The following ATP7B variants were observed in gnomAD, a reference collection of about 807,000 sequenced individuals.
ATP7B encodes the protein ATPase copper transporting beta, also known as copper-transporting ATPase 2.
Under a neutral mutation model 118.9 loss-of-function variants are expected in ATP7B, and 113 were observed. The ratio of observed to expected loss-of-function variants is 0.95; its 90% CI spans 0.82 to 1.11. The LOEUF (loss-of-function observed/expected upper bound fraction) is 1.11. Ranked by LOEUF, ATP7B falls within the 50% of genes most tolerant of loss-of-function variation. The probability of loss-of-function intolerance (pLI) is 0.00; values close to 1 mark genes in which losing one functional copy is unlikely to be tolerated. For synonymous variants in ATP7B, 777 were observed against 727.4 expected (o/e 1.07, Z -1.10); for missense variants, 1,867 against 1,871.4 (o/e 1.00, Z 0.04).
rs777427676 is a variant in ATP7B at position 51,958,426 on chromosome 13, A to T, written c.2240T>A (p.Ile747Asn). Residue 747 changes from isoleucine to asparagine, a missense_variant, in exon 8 of 21, where the codon ATC becomes AAC. Physicochemically the swap from Ile to Asn is moderately radical, Grantham distance 149. Coordinates refer to ENST00000242839, the MANE Select transcript of ATP7B (RefSeq NM_000053.4). ...CTTCTCAGCCACAGCAACCACCAGGATGACCAGAGAATAAACATAAGCAAT... is the reference window on the plus strand; with the variant it reads ...CTTCTCAGCCACAGCAACCACCAGGTTGACCAGAGAATAAACATAAGCAAT... ...TSIAYVYSLV[I>N]LVVAVAEKAE... 1.2e-6 allele frequency: 2 copies of T among 1,614,200 alleles called. No individual in the cohort carries two copies. Among genetic ancestry groups the T allele is most frequent in the South Asian group, 2.2e-5 (2 of 91,084 alleles).
chr13:51,995,978 G>A (rs1189794452), intron 1 of ATP7B, among the ~76,000 whole-genome samples: 1 of 152,186 alleles, frequency 6.6e-6, no homozygotes, highest in Non-Finnish European at 1.5e-5. Context: ...TAGAAACCCA[G>A]TCTAGAGGCA....
Position 51,934,715 on chromosome 13 carries a change from G to T in ATP7B, c.*41C>A, listed in dbSNP as rs1308950030. The T allele has an allele frequency of 1.9e-6, 3 of 1,609,470 alleles. No individual in the cohort carries two copies. The East Asian group carries it at 6.7e-5, about 36-fold the overall frequency. ...GGCTGTCCTGCTCAGCTTGTGGTGA[G>T]TGGAGGCAAGTCCCTGCCCCGGCCC... On this transcript the variant is annotated 3_prime_UTR_variant, in exon 21 of 21. Transcript: ENST00000242839.
intron 1 of ATP7B, among the ~76,000 whole-genome samples, chr13:51,983,701 C>T (rs1334579520): frequency 2.0e-5 from 3 of 152,150 alleles, no homozygotes; most frequent in Non-Finnish European, 2.9e-5. Context: ...AGGGACAATG[C>T]TTCCAGGAAG....
upstream of ATP7B, chr13:52,011,455 T>TGGGCG (rs1555304642): frequency 2.5e-6 from 3 of 1,222,778 alleles, no homozygotes; most frequent in African/African-American, 4.4e-5. Flanking sequence ...TGTGAGGGCA[T>TGGGCG]CGGCGCGGCT....
chr13:51,960,013 T>A, intron 7 of ATP7B, 135 bp downstream of exon 7: 1 of 1,265,676 alleles, frequency 7.9e-7, no homozygotes, highest in Non-Finnish European at 1.1e-6. Context: ...AGCAACTGCC[T>A]GGGTGGGGCA....
chr13:51,937,988 G>C (rs1489832773), intron 17 of ATP7B, among the ~76,000 whole-genome samples: 1 of 152,058 alleles, frequency 6.6e-6, no homozygotes, highest in Non-Finnish European at 1.5e-5. Flanking sequence ...CAAAGCATCC[G>C]TCCGGCCATG....
At chr13:51,959,716 A>G (rs1958605698) in intron 7 of ATP7B, 1 of 204,206 alleles carries the variant, frequency 4.9e-6, no homozygotes, top group Non-Finnish European at 1.0e-5. Context: ...AACTTCCTGA[A>G]AGACAAGGAC....
intron 2 of ATP7B, 63 bp downstream of exon 2, chr13:51,973,872 G>T: frequency 6.2e-7 from 1 of 1,609,660 alleles, no homozygotes; most frequent in Non-Finnish European, 8.5e-7. Flanking sequence ...CACCATCCAG[G>T]AGCTATAAGA....
chr13:51,937,485 G>A lies in ATP7B; in HGVS notation c.3894C>T (p.Val1298=), dbSNP rs755044286. Residue 1298 remains valine (V), a synonymous_variant, in exon 18 of 21, where the codon GTC becomes GTT. Coordinates refer to ENST00000242839, the MANE Select transcript of ATP7B (RefSeq NM_000053.4). Reference sequence around the variant, plus strand: ...CTGCAGCCACGCTCACTCTGATAAGGACGACGTCGGCTGCCTCGATGGCCA... The same window carrying A: ...CTGCAGCCACGCTCACTCTGATAAGAACGACGTCGGCTGCCTCGATGGCCA... ...TDVAIEAADV[V]LIRNDLLDVV... 42 of 1,613,942 alleles carry A rather than the reference G, an allele frequency of 2.6e-5. No individual in the cohort carries two copies. The highest frequency in any genetic ancestry group is 3.1e-5 in the Non-Finnish European group (37 of 1,180,034).
In ATP7B at chr13:51,937,595, C is replaced by A. The variant is rs769484789; in HGVS notation, c.3784G>T (p.Val1262Phe). The A allele has an allele frequency of 5.6e-6, 9 of 1,614,172 alleles. No homozygotes were observed. The highest frequency in any genetic ancestry group is 1.6e-4 in the Middle Eastern group (1 of 6,084). ...VQELQNKGKK[V>F]AMVGDGVNDS... ...TTGACCCCATCCCCCACCATGGCGACTTTCTTCCCTTTATTCTGGAGCTCC... is the reference window on the plus strand; with the variant it reads ...TTGACCCCATCCCCCACCATGGCGAATTTCTTCCCTTTATTCTGGAGCTCC... The change falls in exon 18 of 21, where the codon GTC becomes TTC. Residue 1262 changes from valine (V) to phenylalanine (F), a missense_variant. Transcript: ENST00000242839.
intron 12 of ATP7B, among the ~76,000 whole-genome samples, chr13:51,948,757 CCTTT>C (rs1362270874): frequency 1.3e-5 from 2 of 152,060 alleles, no homozygotes; most frequent in African/African-American, 4.8e-5. Flanking sequence ...CCTGTATTTT[CCTTT>C]CTTTTTCTGA....
intron 2 of ATP7B, among the ~76,000 whole-genome samples, chr13:51,971,644 G>T (rs946698428): frequency 6.6e-6 from 1 of 152,172 alleles, no homozygotes; most frequent in African/African-American, 2.4e-5. Flanking sequence ...GTTCTATTGT[G>T]TTTTCCTTAT....
At chr13:51,984,421 G>C (rs1193374564) in intron 1 of ATP7B, among the ~76,000 whole-genome samples, 1 of 152,158 alleles carries the variant, frequency 6.6e-6, no homozygotes, top group East Asian at 1.9e-4. Context: ...TATGTGAAAA[G>C]ACCAAACATA....
chr13:52,002,651 T>C (rs1224606805), intron 1 of ATP7B, among the ~76,000 whole-genome samples: 1 of 90,270 alleles, frequency 1.1e-5, no homozygotes, highest in Non-Finnish European at 2.3e-5. Flanking sequence ...CCTCACTTAC[T>C]CATTCATTTA....
At chr13:51,964,110 C>T (rs1399667426) in intron 5 of ATP7B, among the ~76,000 whole-genome samples, 2 of 140,434 alleles carry the variant, frequency 1.4e-5, no homozygotes, top group African/African-American at 5.6e-5. Flanking sequence ...TCTCTTTAAA[C>T]ACACACACAC....
At chr13:51,947,559 C>T (rs1478084414) in intron 12 of ATP7B, among the ~76,000 whole-genome samples, 1 of 152,172 alleles carries the variant, frequency 6.6e-6, no homozygotes, top group Non-Finnish European at 1.5e-5. Flanking sequence ...GCCTCTTTAG[C>T]TTCCATCTAC....
chr13:51,976,202 A>G (rs1360970789), intron 1 of ATP7B, among the ~76,000 whole-genome samples: 1 of 152,204 alleles, frequency 6.6e-6, no homozygotes, highest in African/African-American at 2.4e-5. Flanking sequence ...TACATGATAC[A>G]TCATAAAAAA....
chr13:51,987,937 C>T (rs1365749911), intron 1 of ATP7B, among the ~76,000 whole-genome samples: 6 of 152,156 alleles, frequency 3.9e-5, no homozygotes, highest in African/African-American at 1.4e-4. Flanking sequence ...AAACGTAAGA[C>T]CTAAAACCAT....
At chr13:51,988,009 A>G (rs1952739927) in intron 1 of ATP7B, among the ~76,000 whole-genome samples, 1 of 152,234 alleles carries the variant, frequency 6.6e-6, no homozygotes, top group Non-Finnish European at 1.5e-5. Context: ...CAACAACTTA[A>G]TGACTAAAAC....
Sources: gnomAD v4.1 joint callset for allele counts (sites outside exome capture counted in the v4.1 genomes callset) on GRCh38, gnomAD v4.1.1 for gene constraint, MANE v1.5 for transcripts, NCBI Gene and HGNC (gene_info 2026-07-23, HGNC 2026-07-21) for gene names.